SGPP1: variants seen among roughly 807,000 people sequenced by gnomAD.
SGPP1 encodes hSPP1.
A neutral mutation model predicts 33.0 loss-of-function variants in SGPP1; 21 were observed. The observed-to-expected ratio is 0.64, with a 90% CI of 0.45 to 0.92. SGPP1 has a LOEUF of 0.92. Among genes scored for constraint, SGPP1 ranks in the 40% least tolerant of loss-of-function variants. SGPP1 has a pLI of 0.00. For synonymous variants in SGPP1, 239 were observed against 241.2 expected (o/e 0.99, Z 0.08); for missense variants, 543 against 589.4 (o/e 0.92, Z 0.81).
At chr14:63,724,877 G>A (rs1264806486) in intron 1 of SGPP1, among the ~76,000 whole-genome samples, 3 of 147,964 alleles carry the variant, frequency 2.0e-5, no homozygotes, top group Admixed American at 1.4e-4. Flanking sequence ...GCGAGACTCC[G>A]TCTTAAAAAA....
chr14:63,688,221 C>G (rs1000970250), intron 2 of SGPP1, among the ~76,000 whole-genome samples: 2 of 146,010 alleles, frequency 1.4e-5, no homozygotes, highest in Admixed American at 1.5e-4. Context: ...GAGGCTGAGG[C>G]AGGAGAACTG....
At chr14:63,698,516 T>A (rs530624493) in intron 2 of SGPP1, 53 bp downstream of exon 2, 1 of 1,011,258 alleles carries the variant, frequency 9.9e-7, no homozygotes. Context: ...ATTATAAAAT[T>A]TCCTGTCAAT....
rs1885509552 is a variant in SGPP1, at chr14:63,711,003, A to T, written c.685-12345T>A. Among the ~76,000 whole-genome samples, 5 of 150,322 alleles carry T rather than the reference A, an allele frequency of 3.3e-5. 1 individual carries two copies. In the South Asian group the frequency reaches 1.1e-3, roughly 32 times the overall value. ...TATTTTTAAAATTTCATTCATTAAG[A>T]TTGTTTTCTTTCTTTTTTTTTTTTT... On this transcript the variant is annotated intron_variant, in intron 1 of 2. Coordinates refer to ENST00000247225, the MANE Select transcript of SGPP1 (RefSeq NM_030791.4).
intron 1 of SGPP1, among the ~76,000 whole-genome samples, chr14:63,711,474 A>G (rs1885522372): frequency 6.6e-6 from 1 of 152,172 alleles, no homozygotes; most frequent in African/African-American, 2.4e-5. Flanking sequence ...AGGGGCTGGC[A>G]AGTCCAAAAT....
chr14:63,722,279 C>T (rs1885786443), intron 1 of SGPP1, among the ~76,000 whole-genome samples: 2 of 150,886 alleles, frequency 1.3e-5, no homozygotes, highest in African/African-American at 4.9e-5. Flanking sequence ...AATCCCAACA[C>T]TTTAGGAGTC....
At chr14:63,687,956 A>C (rs975996158) in intron 2 of SGPP1, among the ~76,000 whole-genome samples, 3 of 152,120 alleles carry the variant, frequency 2.0e-5, no homozygotes, top group African/African-American at 7.2e-5. Context: ...CCCTGTCTCT[A>C]CTAGAAATAC....
intron 1 of SGPP1, among the ~76,000 whole-genome samples, chr14:63,715,026 CT>C (rs1164699481): frequency 2.3e-3 from 311 of 132,700 alleles, no homozygotes; most frequent in South Asian, 7.1e-3. Flanking sequence ...CCCAGCCGAC[CT>C]TTTTTTTTTT....
At position 63,686,484 on chromosome 14, in the gene SGPP1, C is replaced by A. The variant is rs954332077; in HGVS notation, c.947G>T (p.Arg316Leu). The change falls in exon 3 of 3, where the codon CGA becomes CTA. Residue 316 changes from arginine (R) to leucine (L), a missense_variant. Arg to Leu is a moderately radical substitution (Grantham distance 102, BLOSUM62 -2). Coordinates refer to ENST00000247225, the MANE Select transcript of SGPP1 (RefSeq NM_030791.4). ...TCCTAGTATCTCGGCTGTGTCTCCT[C>A]GGGATGTGCTCCAGGTGTCAAGAGT... ...SFTLDTWSTS[R>L]GDTAEILGSG... The A allele has an allele frequency of 1.2e-6, 2 of 1,613,940 alleles. No individual in the cohort carries two copies. Among genetic ancestry groups the A allele is most frequent in the Non-Finnish European group, 1.7e-6 (2 of 1,180,000 alleles).
chr14:63,712,736 C>A (rs557893089), intron 1 of SGPP1, among the ~76,000 whole-genome samples: 1 of 150,288 alleles, frequency 6.7e-6, no homozygotes, highest in African/African-American at 2.4e-5. Flanking sequence ...GGCACCGTTA[C>A]AGTTCACTGC....
chr14:63,688,102 G>C (rs530464518), intron 2 of SGPP1, among the ~76,000 whole-genome samples: 118 of 152,020 alleles, frequency 7.8e-4, no homozygotes, highest in African/African-American at 2.8e-3. Flanking sequence ...TCCAGCCTGG[G>C]CAACAAGAGT....
In SGPP1 at chr14:63,684,886, T is replaced by C. The variant is rs1884938809; in HGVS notation, c.*1219A>G. Reference sequence around the variant, plus strand: ...ATACTGATACTAATTTTAGGTTTTATAATTTACCTTAAATAGCCAATAAAT... The same window carrying C: ...ATACTGATACTAATTTTAGGTTTTACAATTTACCTTAAATAGCCAATAAAT... On this transcript the variant is annotated 3_prime_UTR_variant, in exon 3 of 3. Transcript: ENST00000247225. The C allele has an allele frequency of 6.6e-6, 1 of 152,490 alleles. No individual in the cohort carries two copies. Among genetic ancestry groups the C allele is most frequent in the Non-Finnish European group, 1.5e-5 (1 of 67,904 alleles). The allele number at this position is 152,490 out of a possible 1,614,324, so 9.4% of individuals were successfully genotyped here. A position where few individuals can be genotyped will look rare whatever the true frequency, so the allele number is the denominator to read the frequency against.
intron 1 of SGPP1, among the ~76,000 whole-genome samples, chr14:63,707,951 G>A (rs1885448680): frequency 1.3e-5 from 2 of 152,038 alleles, no homozygotes; most frequent in South Asian, 4.1e-4. Context: ...AGTGTGGTAG[G>A]CTCATTAAGT....
intron 2 of SGPP1, among the ~76,000 whole-genome samples, chr14:63,693,564 G>C (rs1354916481): frequency 6.6e-6 from 1 of 152,102 alleles, no homozygotes; most frequent in Non-Finnish European, 1.5e-5. Flanking sequence ...TTTACTCTAA[G>C]GTTAAGTGAA....
chr14:63,694,663 A>G (rs1885154181), intron 2 of SGPP1, among the ~76,000 whole-genome samples: 2 of 152,370 alleles, frequency 1.3e-5, no homozygotes, highest in East Asian at 1.9e-4. Context: ...TTTGATATCA[A>G]TATAATGGAT....
At chr14:63,725,235 T>G (rs1378950139) in intron 1 of SGPP1, among the ~76,000 whole-genome samples, 1 of 151,882 alleles carries the variant, frequency 6.6e-6, no homozygotes, top group African/African-American at 2.4e-5. Context: ...AATTAGCTGG[T>G]GTGGTGGTAG....
intron 1 of SGPP1, among the ~76,000 whole-genome samples, chr14:63,720,652 T>C (rs1325766097): frequency 1.3e-5 from 2 of 151,858 alleles, no homozygotes; most frequent in African/African-American, 2.4e-5. Context: ...CCCAGCTAGT[T>C]AGGAGGCTGA....
At chr14:63,723,261 G>C (rs1311403679) in intron 1 of SGPP1, among the ~76,000 whole-genome samples, 5 of 151,882 alleles carry the variant, frequency 3.3e-5, no homozygotes, top group African/African-American at 1.2e-4. Flanking sequence ...AATAATATGA[G>C]AGCAATAACC....
chr14:63,716,617 C>T (rs1195902247), intron 1 of SGPP1, among the ~76,000 whole-genome samples: 1 of 152,040 alleles, frequency 6.6e-6, no homozygotes, highest in Non-Finnish European at 1.5e-5. Flanking sequence ...CCCTTAAACC[C>T]AAGAGTTCGA....
intron 1 of SGPP1, among the ~76,000 whole-genome samples, chr14:63,719,008 ATATATATTTTTTTTTTTTTTTTTT>A (rs1885709132): frequency 8.2e-5 from 2 of 24,246 alleles, no homozygotes; most frequent in East Asian, 1.0e-3. Flanking sequence ...ATATATATAT[ATATATATTTTTTTTTTTTTTTTTT>A]TTTTTTTTTT....
Sources: gnomAD v4.1 joint callset for allele counts (sites outside exome capture counted in the v4.1 genomes callset) on GRCh38, gnomAD v4.1.1 for gene constraint, MANE v1.5 for transcripts, NCBI Gene and HGNC (gene_info 2026-07-23, HGNC 2026-07-21) for gene names.